ATP10B: variants seen among roughly 807,000 people sequenced by gnomAD.
ATP10B encodes ATPase phospholipid transporting 10B (putative).
ATP10B carries 122 observed loss-of-function variants against 141.2 expected under a neutral mutation model. That is an observed-to-expected ratio of 0.86 (90% CI 0.75 to 1.00). The LOEUF (loss-of-function observed/expected upper bound fraction) is 1.00. Among genes scored for constraint, ATP10B ranks in the 50% least tolerant of loss-of-function variants. The pLI, the probability that ATP10B is intolerant of heterozygous loss-of-function variation, is 0.00. For synonymous variants in ATP10B, 685 were observed against 692.0 expected, an observed-to-expected ratio of 0.99 and a Z score of 0.16; for missense variants, 1,876 against 1,825.3, an observed-to-expected ratio of 1.03 and a Z score of -0.51.
rs147350261 is a variant in ATP10B at position 160,726,117 on chromosome 5, G to A, written c.-330-9083C>T. ...CTGAGAGACGCGCGAGCCTAACTCAGGGTGGTGCAAGTTCCATGGCCTCAC... is the reference window on the plus strand; with the variant it reads ...CTGAGAGACGCGCGAGCCTAACTCAAGGTGGTGCAAGTTCCATGGCCTCAC... On this transcript the variant is annotated intron_variant, in intron 2 of 25. Transcript: ENST00000327245. Among the ~76,000 whole-genome samples the A allele has an allele frequency of 1.5e-3, 225 of 152,244 alleles. 2 individuals are homozygous for A. In the East Asian group the frequency reaches 0.02, roughly 14 times the overall value.
chr5:160,802,321 G>T (rs748187490), intron 1 of ATP10B, among the ~76,000 whole-genome samples: 6 of 152,104 alleles, frequency 3.9e-5, no homozygotes, highest in Non-Finnish European at 8.8e-5. Flanking sequence ...ATTACCTGAG[G>T]AAAAAATCAA....
intron 3 of ATP10B, among the ~76,000 whole-genome samples, chr5:160,715,186 G>A (rs2127774640): frequency 6.8e-6 from 1 of 146,058 alleles, no homozygotes; most frequent in East Asian, 2.0e-4. Context: ...AAGCAAGCCT[G>A]GGCAATGGCG....
intron 1 of ATP10B, among the ~76,000 whole-genome samples, chr5:160,809,438 G>C (rs1773000972): frequency 6.6e-6 from 1 of 151,964 alleles, no homozygotes; most frequent in African/African-American, 2.4e-5. Context: ...ATATATTTCT[G>C]GTGTGCATAG....
intron 1 of ATP10B, among the ~76,000 whole-genome samples, chr5:160,842,923 A>T (rs577247645): frequency 4.3e-4 from 65 of 152,266 alleles, no homozygotes; most frequent in Non-Finnish European, 8.2e-4. Flanking sequence ...ATAAAAATAG[A>T]AAACACTTCC....
chr5:160,926,511 G>A, the ATP10B span, among the ~76,000 whole-genome samples: 1 of 152,142 alleles, frequency 6.6e-6, no homozygotes, highest in East Asian at 1.9e-4. Context: ...AGGATCACAG[G>A]AGCCAACCTG....
At chr5:160,809,693 G>C (rs1237918881) in intron 1 of ATP10B, among the ~76,000 whole-genome samples, 1 of 152,022 alleles carries the variant, frequency 6.6e-6, no homozygotes, top group East Asian at 1.9e-4. Flanking sequence ...GTCTGGTTTT[G>C]ACTTCAAGAT....
intron 24 of ATP10B, among the ~76,000 whole-genome samples, chr5:160,571,434 C>A (rs1320864434): frequency 6.6e-6 from 1 of 152,120 alleles, no homozygotes. Flanking sequence ...TTACCAATCC[C>A]TGCAGATATT....
chr5:160,769,557 A>T (rs1386784115), intron 2 of ATP10B, among the ~76,000 whole-genome samples: 1 of 152,056 alleles, frequency 6.6e-6, no homozygotes, highest in Non-Finnish European at 1.5e-5. Context: ...AAAATATAGA[A>T]TGAAAGTGCT....
chr5:160,825,945 C>T (rs1170421926), intron 1 of ATP10B, among the ~76,000 whole-genome samples: 1 of 152,178 alleles, frequency 6.6e-6, no homozygotes, highest in Non-Finnish European at 1.5e-5. Context: ...AGCTTAGAAT[C>T]ACGGCCTCCA....
intron 7 of ATP10B, among the ~76,000 whole-genome samples, chr5:160,664,277 G>A (rs1266818460): frequency 2.0e-5 from 3 of 152,184 alleles, no homozygotes; most frequent in African/African-American, 7.2e-5. Context: ...TGCTTTAACT[G>A]AGGTTTGACA....
intron 6 of ATP10B, among the ~76,000 whole-genome samples, chr5:160,678,317 G>A (rs1388510826): frequency 1.3e-5 from 2 of 152,110 alleles, no homozygotes; most frequent in East Asian, 1.9e-4. Flanking sequence ...AAAGCCTCAG[G>A]CTGGGGTTGG....
At chr5:160,610,563 T>A (rs1167474288) in intron 18 of ATP10B, among the ~76,000 whole-genome samples, 24 of 152,230 alleles carry the variant, frequency 1.6e-4, no homozygotes, top group Admixed American at 1.6e-3. Flanking sequence ...ATTTGTTATG[T>A]ACCAATAGAT....
chr5:160,661,635 C>T (rs1761915132), intron 7 of ATP10B, among the ~76,000 whole-genome samples: 2 of 152,034 alleles, frequency 1.3e-5, no homozygotes, highest in Admixed American at 1.3e-4. Flanking sequence ...TTATTCTCTC[C>T]AGTTTTGTAT....
chr5:160,887,039 G>A, the ATP10B span, among the ~76,000 whole-genome samples: 1 of 152,196 alleles, frequency 6.6e-6, no homozygotes, highest in African/African-American at 2.4e-5. Context: ...ACTATAGAAT[G>A]AGTGACAGAA....
chr5:160,808,892 C>A lies in ATP10B; in HGVS notation c.-575-23089G>T, dbSNP rs372852528. The stretch of plus-strand genomic sequence containing the variant: ...TCTGAAATCAAGGTGATGGTAGGAT[C>A]GGTTCCTTCTGGGGGCTGTGAGGAA... On this transcript the variant is annotated intron_variant, in intron 1 of 25. Coordinates refer to ENST00000327245, the MANE Select transcript of ATP10B (RefSeq NM_025153.3). 5.9e-5 allele frequency among the ~76,000 whole-genome samples: 9 copies of A among 152,244 alleles called. No homozygotes were observed. In the East Asian group the frequency reaches 1.7e-3, roughly 29 times the overall value.
chr5:160,565,010 G>A lies in ATP10B; in HGVS notation c.*443C>T, dbSNP rs568309930. ...TGAGATGAAGCCCTTATGTGCACAAGTCTCTTCTGAAACTTTAACTCTGGG... is the reference window on the plus strand; with the variant it reads ...TGAGATGAAGCCCTTATGTGCACAAATCTCTTCTGAAACTTTAACTCTGGG... On this transcript the variant is annotated 3_prime_UTR_variant, in exon 26 of 26. Coordinates refer to ENST00000327245, the MANE Select transcript of ATP10B (RefSeq NM_025153.3). 6.0e-6 allele frequency: 1 copy of A among 167,460 alleles called. No homozygotes were observed. Among genetic ancestry groups the A allele is most frequent in the Non-Finnish European group, 1.3e-5 (1 of 77,052 alleles). 10.4% of individuals were successfully genotyped at this position (167,460 alleles called of 1,614,324 possible).
At chr5:160,687,056 C>A (rs926048007) in intron 5 of ATP10B, 9 of 625,674 alleles carry the variant, frequency 1.4e-5, no homozygotes, top group Non-Finnish European at 1.8e-5. Flanking sequence ...CTGTCCATCC[C>A]TTTTCACTCA....
intron 1 of ATP10B, among the ~76,000 whole-genome samples, chr5:160,801,583 A>G (rs141098196): frequency 2.6e-5 from 4 of 152,332 alleles, no homozygotes; most frequent in East Asian, 1.9e-4. Flanking sequence ...AGTCTTGAAC[A>G]TAGCAGTGCT....
At chr5:160,576,924 C>T (rs932216429) in intron 24 of ATP10B, among the ~76,000 whole-genome samples, 5 of 152,166 alleles carry the variant, frequency 3.3e-5, no homozygotes, top group African/African-American at 4.8e-5. Flanking sequence ...AGGTAAGTAT[C>T]ATAGGTAGAT....
Sources: gnomAD v4.1 joint callset for allele counts (sites outside exome capture counted in the v4.1 genomes callset) on GRCh38, gnomAD v4.1.1 for gene constraint, MANE v1.5 for transcripts, NCBI Gene and HGNC (gene_info 2026-07-23, HGNC 2026-07-21) for gene names.